Variants in CARMIL1 observed in about 807,000 individuals in gnomAD.
The protein encoded by CARMIL1 is capping protein regulator and myosin 1 linker 1.
A neutral mutation model predicts 177.1 loss-of-function variants in CARMIL1; 90 were observed. The observed-to-expected ratio is 0.51, with a 90% CI of 0.43 to 0.61. The LOEUF (loss-of-function observed/expected upper bound fraction) is 0.61, where lower values mean the gene tolerates loss of function less well. Ranked by LOEUF, CARMIL1 falls within the 20% of genes least tolerant of loss-of-function variation. The pLI, the probability that CARMIL1 is intolerant of heterozygous loss-of-function variation, is 0.00. For synonymous variants in CARMIL1, 577 were observed against 606.2 expected, an observed-to-expected ratio of 0.95 and a Z score of 0.71; for missense variants, 1,380 against 1,667.0, an observed-to-expected ratio of 0.83 and a Z score of 3.00.
rs1554221082 is a variant in CARMIL1, at chr6:25,544,645, A to ACACC, written c.2328+4568_2328+4569insACCC. On this transcript the variant is annotated intron_variant, in intron 26 of 36. Transcript: ENST00000329474. ...CACACACACACACACACACACACAC[A>ACACC]CCCCAAACACTAAAGGATATACTTT... 1.1e-3 allele frequency among the ~76,000 whole-genome samples: 159 copies of ACACC among 139,090 alleles called. 1 individual carries two copies. The highest frequency in any genetic ancestry group is 2.8e-3 in the Admixed American group (39 of 14,024). 91.2% of individuals were successfully genotyped at this position (139,090 alleles called of 152,430 possible).
Position 25,515,672 on chromosome 6 carries a change from C to T in CARMIL1, c.1633-3C>T, listed in dbSNP as rs764638880. The stretch of plus-strand genomic sequence containing the variant: ...TGAGTGCCGTGTGTCATTTGCTCCG[C>T]AGCCTCTGCAGTCCTTGTCCCTGGC... On this transcript the variant is annotated splice_polypyrimidine_tract_variant and splice_region_variant and intron_variant, in intron 20 of 36. Transcript: ENST00000329474. This position sits in a 1 kb window ranked among gnomAD's most constrained non-coding sequence, Gnocchi z 5.0. 1.0e-5 allele frequency: 16 copies of T among 1,597,008 alleles called. No homozygotes were observed. The highest frequency in any genetic ancestry group is 1.3e-5 in the Non-Finnish European group (15 of 1,171,914).
At chr6:25,421,592 C>T (rs1224702854) in intron 3 of CARMIL1, among the ~76,000 whole-genome samples, 3 of 151,838 alleles carry the variant, frequency 2.0e-5, no homozygotes, top group African/African-American at 2.4e-5. Flanking sequence ...TATTGCGGCA[C>T]TATTCACAAT....
chr6:25,562,015 T>G (rs1469353869), intron 29 of CARMIL1, among the ~76,000 whole-genome samples: 3 of 152,144 alleles, frequency 2.0e-5, no homozygotes, highest in Non-Finnish European at 2.9e-5. Context: ...GTAATAGTAT[T>G]TTTTTATTTT....
intron 2 of CARMIL1, among the ~76,000 whole-genome samples, chr6:25,386,282 T>C (rs951195262): frequency 6.6e-6 from 1 of 152,166 alleles, no homozygotes; most frequent in African/African-American, 2.4e-5. Context: ...GGACGGAATC[T>C]TGCTCTGTCG....
At chr6:25,381,515 G>C (rs1791536583) in intron 2 of CARMIL1, among the ~76,000 whole-genome samples, 1 of 152,180 alleles carries the variant, frequency 6.6e-6, no homozygotes, top group Non-Finnish European at 1.5e-5. Context: ...TTCTGACCAA[G>C]AGATGATAAA....
At chr6:25,348,173 T>C (rs929306061) in intron 2 of CARMIL1, among the ~76,000 whole-genome samples, 5 of 152,036 alleles carry the variant, frequency 3.3e-5, no homozygotes, top group African/African-American at 1.2e-4. Context: ...GGAGTCTCAC[T>C]CTAGGGTGGA....
chr6:25,411,758 A>G, intron 2 of CARMIL1, among the ~76,000 whole-genome samples: 1 of 152,210 alleles, frequency 6.6e-6, no homozygotes. Flanking sequence ...CTGAAACTAA[A>G]CATCCGAATA....
At chr6:25,302,031 T>TA (rs1318812917) in intron 2 of CARMIL1, among the ~76,000 whole-genome samples, 23 of 124,844 alleles carry the variant, frequency 1.8e-4, no homozygotes, top group Non-Finnish European at 2.8e-4. Flanking sequence ...TGAAAAGCCT[T>TA]AAAAAAATCA....
chr6:25,500,068 G>A (rs547055479), intron 16 of CARMIL1, 98 bp from the exon 17 acceptor site: 19 of 1,024,774 alleles, frequency 1.9e-5, no homozygotes, highest in Non-Finnish European at 2.8e-5. Flanking sequence ...TTCAGAAAAG[G>A]CAGCCTTCTT....
intron 11 of CARMIL1, 48 bp from the exon 12 acceptor site, chr6:25,482,209 C>T: frequency 1.1e-6 from 1 of 907,296 alleles, no homozygotes; most frequent in Non-Finnish European, 1.8e-6. Flanking sequence ...GTAAAAAATG[C>T]AATTCTGAGA....
intron 2 of CARMIL1, among the ~76,000 whole-genome samples, chr6:25,373,835 A>G (rs4712922): frequency 0.86 from 131,251 of 152,112 alleles, 56,938 homozygotes; most frequent in African/African-American, 0.95. Context: ...CGTCTGCCTC[A>G]GCCTCCCAAA....
intron 29 of CARMIL1, among the ~76,000 whole-genome samples, chr6:25,578,448 T>C (rs1201421998): frequency 3.3e-5 from 5 of 152,190 alleles, no homozygotes; most frequent in Non-Finnish European, 5.9e-5. Context: ...GGTGGATAAT[T>C]ATAGTACATT....
Position 25,336,862 on chromosome 6 carries a change from A to G in CARMIL1, c.138+51953A>G, listed in dbSNP as rs75242510. Among the ~76,000 whole-genome samples the G allele has an allele frequency of 3.5e-3, 537 of 152,296 alleles. 1 individual carries two copies. The highest frequency in any genetic ancestry group is 0.01 in the Middle Eastern group (3 of 294). ...TTATTTCAATTAGGGTTTCAGATGT[A>G]CCCTTTAAGGAGCAATGTATGTATC... On this transcript the variant is annotated intron_variant, in intron 2 of 36. Transcript: ENST00000329474.
At chr6:25,487,034 T>C (rs867212386) in intron 12 of CARMIL1, among the ~76,000 whole-genome samples, 56 of 152,310 alleles carry the variant, frequency 3.7e-4, no homozygotes, top group South Asian at 4.1e-4. Flanking sequence ...AAGAAGTTTT[T>C]TGCACTTAAA....
At chr6:25,284,500 A>C (rs1260500683) in intron 1 of CARMIL1, among the ~76,000 whole-genome samples, 1 of 152,200 alleles carries the variant, frequency 6.6e-6, no homozygotes, top group Non-Finnish European at 1.5e-5. Flanking sequence ...ACTTGAGGTC[A>C]GGAGTTCAAG....
intron 32 of CARMIL1, 88 bp downstream of exon 32, chr6:25,594,615 C>G: frequency 1.3e-6 from 1 of 746,190 alleles, no homozygotes; most frequent in East Asian, 2.8e-5. Flanking sequence ...TACTAAGTTT[C>G]ATTTTATATA....
At chr6:25,566,463 T>G (rs1811559337) in intron 29 of CARMIL1, among the ~76,000 whole-genome samples, 1 of 152,246 alleles carries the variant, frequency 6.6e-6, no homozygotes, top group East Asian at 1.9e-4. Context: ...CTCCACCAAC[T>G]TGTCCCATGG....
At chr6:25,527,161 C>A (rs1168592882) in intron 23 of CARMIL1, among the ~76,000 whole-genome samples, 1 of 152,186 alleles carries the variant, frequency 6.6e-6, no homozygotes, top group Non-Finnish European at 1.5e-5. Context: ...GTAAACCTGA[C>A]AATGACACCT....
intron 5 of CARMIL1, among the ~76,000 whole-genome samples, chr6:25,441,353 G>GTGTA (rs1554196436): frequency 1.4e-5 from 2 of 139,894 alleles, no homozygotes; most frequent in African/African-American, 5.6e-5. Flanking sequence ...GTGTGTGTGT[G>GTGTA]TGTGTGTGTG....
Sources: allele counts gnomAD v4.1 joint callset (sites outside exome capture counted in the v4.1 genomes callset), GRCh38; gene constraint gnomAD v4.1.1; non-coding constraint Gnocchi (gnomAD v3.1); transcripts MANE v1.5; gene names NCBI Gene and HGNC (gene_info 2026-07-23, HGNC 2026-07-21).